TEAD1: variants seen among roughly 807,000 people sequenced by gnomAD.
The protein encoded by TEAD1 is TEA domain transcription factor 1.
Under a neutral mutation model 54.9 loss-of-function variants are expected in TEAD1, and 9 were observed. The ratio of observed to expected loss-of-function variants is 0.16; its 90% CI spans 0.10 to 0.29. TEAD1 has a LOEUF of 0.29. Among genes scored for constraint, TEAD1 ranks in the 10% least tolerant of loss-of-function variants. The pLI is 1.00. For synonymous variants in TEAD1, 200 were observed against 187.8 expected (o/e 1.07, Z -0.53); for missense variants, 387 against 535.9 (o/e 0.72, Z 2.74).
intron 2 of TEAD1, 67 bp from the exon 3 acceptor site, chr11:12,764,112 A>T: frequency 2.0e-6 from 2 of 1,001,454 alleles, no homozygotes; most frequent in Non-Finnish European, 2.9e-6. Flanking sequence ...AACTTGCACT[A>T]GAGCTAGCAA....
intron 2 of TEAD1, among the ~76,000 whole-genome samples, chr11:12,728,912 A>G (rs1186209756): frequency 6.6e-6 from 1 of 152,220 alleles, no homozygotes; most frequent in East Asian, 1.9e-4. Context: ...CCATTGGACC[A>G]TGGCTATTGT....
intron 9 of TEAD1, among the ~76,000 whole-genome samples, chr11:12,894,644 A>G (rs1001695151): frequency 2.0e-5 from 3 of 152,298 alleles, no homozygotes; most frequent in Admixed American, 6.5e-5. Flanking sequence ...GCTTCCCCAC[A>G]CTGCCACTAC....
At chr11:12,776,647 C>T (rs1038169072) in intron 3 of TEAD1, among the ~76,000 whole-genome samples, 1 of 151,730 alleles carries the variant, frequency 6.6e-6, no homozygotes, top group African/African-American at 2.4e-5. Context: ...TGATAGTGAC[C>T]TGCTATGCAT....
intron 3 of TEAD1, among the ~76,000 whole-genome samples, chr11:12,765,991 A>G (rs941117937): frequency 3.9e-5 from 6 of 152,216 alleles, no homozygotes; most frequent in Non-Finnish European, 5.9e-5. Context: ...AAGCATTTTA[A>G]TCTTTGAAGC....
intron 3 of TEAD1, among the ~76,000 whole-genome samples, chr11:12,858,442 A>G (rs1947436448): frequency 6.6e-6 from 1 of 152,230 alleles, no homozygotes; most frequent in South Asian, 2.1e-4. Context: ...ATTAAAATGT[A>G]CAATGAAGTA....
At chr11:12,750,605 C>G (rs1564927742) in intron 2 of TEAD1, among the ~76,000 whole-genome samples, 1 of 152,192 alleles carries the variant, frequency 6.6e-6, no homozygotes, top group Non-Finnish European at 1.5e-5. Context: ...CTCACACACT[C>G]CTGGTGTTTC....
intron 2 of TEAD1, among the ~76,000 whole-genome samples, chr11:12,757,743 G>A (rs188132039): frequency 2.0e-4 from 31 of 152,198 alleles, no homozygotes; most frequent in African/African-American, 7.0e-4. Flanking sequence ...AAGAATATTT[G>A]TGTTTTCTGG....
chr11:12,797,432 G>C (rs1262745866), intron 3 of TEAD1, among the ~76,000 whole-genome samples: 1 of 152,152 alleles, frequency 6.6e-6, no homozygotes, highest in Admixed American at 6.5e-5. Context: ...GACAATTCTA[G>C]TGTCCTTTTC....
chr11:12,830,825 A>G (rs1166611572), intron 3 of TEAD1, among the ~76,000 whole-genome samples: 1 of 152,164 alleles, frequency 6.6e-6, no homozygotes, highest in Non-Finnish European at 1.5e-5. Context: ...GGGAAAAACG[A>G]GCCAGTTTTT....
In TEAD1 at chr11:12,943,989, T is replaced by C. The variant is rs902032380; in HGVS notation, c.*6767T>C. 3 of 152,606 alleles carry C rather than the reference T, an allele frequency of 2.0e-5. No individual in the cohort carries two copies. Among genetic ancestry groups the C allele is most frequent in the Non-Finnish European group, 2.9e-5 (2 of 68,038 alleles). 9.5% of individuals were successfully genotyped at this position (152,606 alleles called of 1,614,324 possible). A position where few individuals can be genotyped will look rare whatever the true frequency, so the allele number is the denominator to read the frequency against. ...ATTTAAAAAAGAAACCTGAATAGCCTTTAATTCTTTAATAATACACTTAAA... is the reference window on the plus strand; with the variant it reads ...ATTTAAAAAAGAAACCTGAATAGCCCTTAATTCTTTAATAATACACTTAAA... On this transcript the variant is annotated 3_prime_UTR_variant, in exon 13 of 13. Transcript: ENST00000527636.
At chr11:12,793,513 G>A (rs1029485832) in intron 3 of TEAD1, among the ~76,000 whole-genome samples, 32 of 152,064 alleles carry the variant, frequency 2.1e-4, no homozygotes, top group African/African-American at 7.5e-4. Context: ...TATGTACTGT[G>A]TTTCTTTCAT....
chr11:12,751,499 T>C (rs959767177), intron 2 of TEAD1, among the ~76,000 whole-genome samples: 3 of 152,078 alleles, frequency 2.0e-5, no homozygotes, highest in Non-Finnish European at 4.4e-5. Context: ...GGGCTTGAAG[T>C]CTTGCAGGTA....
chr11:12,883,124 C>T lies in TEAD1; in HGVS notation c.698C>T (p.Ser233Leu), dbSNP rs140310944. The change falls in exon 9 of 13, where the codon TCG (serine) becomes TTG (leucine). Residue 233 changes from serine (S) to leucine (L), a missense_variant and splice_region_variant. Transcript: ENST00000527636. ...CTCGAGCAGCAGCGAGACCCAGACT[C>T]GGTGAGTGTGCCCAGAGAGGTGTGT... 175 of 1,614,196 alleles carry T rather than the reference C, an allele frequency of 1.1e-4. No homozygotes were observed. The African/African-American group carries it at 1.5e-3, about 14-fold the overall frequency.
chr11:12,763,146 T>A (rs1217951574), intron 2 of TEAD1, among the ~76,000 whole-genome samples: 1 of 152,236 alleles, frequency 6.6e-6, no homozygotes, highest in African/African-American at 2.4e-5. Context: ...ACATTGACGT[T>A]ATGCCAGTTT....
At chr11:12,807,439 G>A (rs1053455780) in intron 3 of TEAD1, among the ~76,000 whole-genome samples, 2 of 152,152 alleles carry the variant, frequency 1.3e-5, no homozygotes, top group Admixed American at 1.3e-4. Context: ...TTTTGCTCCT[G>A]GCTCTGCCAC....
intron 4 of TEAD1, among the ~76,000 whole-genome samples, chr11:12,862,556 C>T (rs758404869): frequency 1.6e-4 from 24 of 152,156 alleles, no homozygotes; most frequent in East Asian, 1.5e-3. Flanking sequence ...CTGCTAAGGA[C>T]GGTGTATGAA....
chr11:12,831,198 T>C (rs1946772936), intron 3 of TEAD1, among the ~76,000 whole-genome samples: 1 of 152,196 alleles, frequency 6.6e-6, no homozygotes, highest in Non-Finnish European at 1.5e-5. Context: ...TTTTCTTCCT[T>C]CTAACTCTCC....
intron 3 of TEAD1, among the ~76,000 whole-genome samples, chr11:12,775,455 C>T (rs1055123871): frequency 6.6e-6 from 1 of 152,210 alleles, no homozygotes; most frequent in Non-Finnish European, 1.5e-5. Flanking sequence ...TTCAGTTCCT[C>T]ACTCATCTGC....
intron 2 of TEAD1, among the ~76,000 whole-genome samples, chr11:12,707,575 T>G (rs1037327837): frequency 7.2e-5 from 11 of 152,216 alleles, no homozygotes; most frequent in East Asian, 1.9e-4. Context: ...AATTTCTGCT[T>G]CTTGTAGCAT....
Sources: allele counts gnomAD v4.1 joint callset (sites outside exome capture counted in the v4.1 genomes callset), GRCh38; gene constraint gnomAD v4.1.1; transcripts MANE v1.5; gene names NCBI Gene and HGNC (gene_info 2026-07-23, HGNC 2026-07-21).